The following PDE10A variants were observed in gnomAD, a reference collection of about 807,000 sequenced individuals.
The protein encoded by PDE10A is cAMP and cAMP-inhibited cGMP 3',5'-cyclic phosphodiesterase 10A.
PDE10A carries 39 observed loss-of-function variants against 97.7 expected under a neutral mutation model. The ratio of observed to expected loss-of-function variants is 0.40; its 90% CI spans 0.31 to 0.52. The LOEUF is 0.52. Among genes scored for constraint, PDE10A ranks in the 20% least tolerant of loss-of-function variants. The pLI, the probability that PDE10A is intolerant of heterozygous loss-of-function variation, is 0.56. For missense variants in PDE10A, 731 were observed against 1,047.8 expected (o/e 0.70, Z 4.17); for synonymous variants, 371 against 376.8 (o/e 0.98, Z 0.18).
At chr6:165,462,100 A>G (rs1778360113) in intron 3 of PDE10A, among the ~76,000 whole-genome samples, 1 of 152,004 alleles carries the variant, frequency 6.6e-6, no homozygotes, top group Non-Finnish European at 1.5e-5. Context: ...AGCTTCTATT[A>G]AAACAGATAA....
chr6:165,917,061 G>T (rs1782626261), intron 1 of PDE10A, among the ~76,000 whole-genome samples: 1 of 152,164 alleles, frequency 6.6e-6, no homozygotes, highest in Non-Finnish European at 1.5e-5. Context: ...GTTCAAAAAT[G>T]TCAGAGCTCC....
At chr6:165,415,141 C>T (rs905765457) in intron 12 of PDE10A, among the ~76,000 whole-genome samples, 2 of 152,128 alleles carry the variant, frequency 1.3e-5, no homozygotes, top group African/African-American at 4.8e-5. Flanking sequence ...TAGTCTGACT[C>T]ATACATTTTT....
At chr6:165,441,644 G>T (rs574872053) in intron 5 of PDE10A, among the ~76,000 whole-genome samples, 1 of 152,182 alleles carries the variant, frequency 6.6e-6, no homozygotes, top group South Asian at 2.1e-4. Flanking sequence ...CCCAAGTTCT[G>T]AAAAAGTATA....
In PDE10A at chr6:165,826,100, T is replaced by G. The variant is rs1583153376; in HGVS notation, c.-615+161429A>C. On this transcript the variant is annotated intron_variant, in intron 1 of 19. Transcript: ENST00000366882. ...AGCTTTCTGTGTCCCAGCCTCAGCT[T>G]GGACACTTCCTGCTTTTCTCCTAAC... 2.6e-5 allele frequency among the ~76,000 whole-genome samples: 4 copies of G among 152,328 alleles called. No individual in the cohort carries two copies. The South Asian group carries it at 8.3e-4, about 32-fold the overall frequency.
intron 2 of PDE10A, among the ~76,000 whole-genome samples, chr6:165,491,386 A>G (rs1238156971): frequency 6.6e-6 from 1 of 152,178 alleles, no homozygotes; most frequent in Non-Finnish European, 1.5e-5. Flanking sequence ...ACATCCTACA[A>G]CAAATGGATT....
At chr6:165,436,845 T>C (rs1055164984) in intron 5 of PDE10A, among the ~76,000 whole-genome samples, 1 of 152,190 alleles carries the variant, frequency 6.6e-6, no homozygotes, top group Admixed American at 6.5e-5. Context: ...TCAGTATCTA[T>C]CATTGTCCAA....
At chr6:165,396,289 G>A (rs1786153337) in intron 14 of PDE10A, 28 bp downstream of exon 14, 1 of 1,601,046 alleles carries the variant, frequency 6.2e-7, no homozygotes, top group African/African-American at 1.3e-5. Flanking sequence ...AATGGTTCCT[G>A]AAGAAACTGA....
In PDE10A at chr6:165,687,393, C is replaced by T. The variant is rs187152791; in HGVS notation, c.-614-143825G>A. 1.4e-4 allele frequency among the ~76,000 whole-genome samples: 21 copies of T among 152,306 alleles called. No individual in the cohort carries two copies. The East Asian group carries it at 3.5e-3, about 25-fold the overall frequency. On this transcript the variant is annotated intron_variant, in intron 1 of 19. Coordinates refer to the PDE10A transcript ENST00000366882. ...AAGGGTCACTACACTGTATGCCAGT[C>T]GGGTAAGAACTGCAGAGTCGCAACA...
chr6:165,445,014 TAA>T (rs1427646656), intron 5 of PDE10A, among the ~76,000 whole-genome samples: 2 of 152,310 alleles, frequency 1.3e-5, no homozygotes, highest in Non-Finnish European at 2.9e-5. Flanking sequence ...TTGAGTTATT[TAA>T]GACTTTCTTG....
At chr6:165,782,879 G>A (rs781291618) in intron 1 of PDE10A, among the ~76,000 whole-genome samples, 7 of 152,188 alleles carry the variant, frequency 4.6e-5, no homozygotes, top group Non-Finnish European at 1.0e-4. Flanking sequence ...GGAACCGTGT[G>A]TGATTTTTTA....
chr6:165,901,286 T>C (rs78758600), intron 1 of PDE10A, among the ~76,000 whole-genome samples: 14,318 of 152,114 alleles, frequency 0.094, 829 homozygotes, highest in African/African-American at 0.16. Flanking sequence ...AAAGGGGCAC[T>C]TCTCCTGTTA....
chr6:165,577,395 C>T (rs1785365009), intron 1 of PDE10A, among the ~76,000 whole-genome samples: 3 of 152,168 alleles, frequency 2.0e-5, no homozygotes, highest in Non-Finnish European at 2.9e-5. Flanking sequence ...ATTCCAAGAC[C>T]TTCCAGGGCA....
rs1275068063 is a variant in PDE10A at position 165,343,465 on chromosome 6, G to A, written c.2821C>T (p.Leu941Phe). 1 of 1,613,854 alleles carries A rather than the reference G, an allele frequency of 6.2e-7. No homozygotes were observed. ...VIGLMMTACD[L>F]CSVTKLWPVT... is the part of the protein sequence containing the mutation. ...GGCCACAGTTTTGTCACAGAACAAAGGTCACAGGCAGTCATCATCAAACCA... is the reference window on the plus strand; with the variant it reads ...GGCCACAGTTTTGTCACAGAACAAAAGTCACAGGCAGTCATCATCAAACCA... Residue 941 changes from leucine to phenylalanine, a missense_variant, in exon 19 of 22, where the codon CTT becomes TTT. Around this residue, in one of 8 missense-constraint regions of PDE10A, gnomAD observed 96 missense variants for 156.7 expected, o/e 0.61. Transcript: ENST00000539869.
At chr6:165,846,400 G>A (rs917061393) in intron 1 of PDE10A, among the ~76,000 whole-genome samples, 1 of 152,248 alleles carries the variant, frequency 6.6e-6, no homozygotes, top group Non-Finnish European at 1.5e-5. Flanking sequence ...GTCCTTAAAA[G>A]AGAAATCCTC....
At chr6:165,841,700 A>C (rs528703044) in intron 1 of PDE10A, among the ~76,000 whole-genome samples, 95 of 152,352 alleles carry the variant, frequency 6.2e-4, no homozygotes, top group Admixed American at 1.3e-3. Flanking sequence ...CCCATGGGGG[A>C]GAAGTCCACT....
chr6:165,688,123 A>G (rs892131489), intron 1 of PDE10A, among the ~76,000 whole-genome samples: 3 of 152,180 alleles, frequency 2.0e-5, no homozygotes, highest in African/African-American at 7.2e-5. Flanking sequence ...ACATTTTCCT[A>G]TGGTAAAAGG....
chr6:165,599,377 G>A (rs892339552), intron 1 of PDE10A, among the ~76,000 whole-genome samples: 3 of 152,170 alleles, frequency 2.0e-5, no homozygotes, highest in African/African-American at 7.2e-5. Context: ...CACAAAGGCA[G>A]AGTGCCCGTA....
chr6:165,793,515 C>G (rs1035834604), intron 1 of PDE10A, among the ~76,000 whole-genome samples: 1 of 152,114 alleles, frequency 6.6e-6, no homozygotes, highest in Non-Finnish European at 1.5e-5. Flanking sequence ...GCACACCTGA[C>G]AGTGCGCTCC....
intron 13 of PDE10A, among the ~76,000 whole-genome samples, chr6:165,406,227 G>GGTGTGTGTGTGTGTGT (rs1562431357): frequency 3.3e-5 from 1 of 30,454 alleles, no homozygotes; most frequent in African/African-American, 1.9e-4. Context: ...GAGGGAAAAG[G>GGTGTGTGTGTGTGTGT]ATGTGTGTGT....
Sources: gnomAD v4.1 joint callset for allele counts (sites outside exome capture counted in the v4.1 genomes callset) on GRCh38, gnomAD v4.1.1 for gene constraint, gnomAD v4.1.1 regional missense constraint, MANE v1.5 for transcripts, NCBI Gene and HGNC (gene_info 2026-07-23, HGNC 2026-07-21) for gene names.